The following WDR70 variants were observed in gnomAD, a reference collection of about 807,000 sequenced individuals.
The protein encoded by WDR70 is WD repeat-containing protein 70.
WDR70 carries 53 observed loss-of-function variants against 88.6 expected under a neutral mutation model. That is an observed-to-expected ratio of 0.60 (90% CI 0.48 to 0.75). The LOEUF (loss-of-function observed/expected upper bound fraction) is 0.75. Among genes scored for constraint, WDR70 ranks in the 30% least tolerant of loss-of-function variants. The pLI is 0.00. For missense variants in WDR70, 610 were observed against 823.2 expected (o/e 0.74, Z 3.17); for synonymous variants, 280 against 270.0 (o/e 1.04, Z -0.36).
chr5:37,480,782 A>C (rs1739640467), intron 8 of WDR70, among the ~76,000 whole-genome samples: 1 of 152,148 alleles, frequency 6.6e-6, no homozygotes, highest in Non-Finnish European at 1.5e-5. Context: ...GCCTTCCCCA[A>C]AGTCCCCCAA....
At chr5:37,671,345 C>A (rs1422940215) in intron 10 of WDR70, among the ~76,000 whole-genome samples, 1 of 152,052 alleles carries the variant, frequency 6.6e-6, no homozygotes, top group Non-Finnish European at 1.5e-5. Context: ...CTTAATAAAC[C>A]TGTAGTATTG....
chr5:37,663,303 C>A (rs560023680), intron 10 of WDR70, among the ~76,000 whole-genome samples: 1 of 152,130 alleles, frequency 6.6e-6, no homozygotes, highest in Non-Finnish European at 1.5e-5. Flanking sequence ...ACATAGTACT[C>A]GGAGAAAAGG....
chr5:37,523,474 A>G (rs562583027), intron 9 of WDR70, among the ~76,000 whole-genome samples: 1 of 152,286 alleles, frequency 6.6e-6, no homozygotes, highest in South Asian at 2.1e-4. Context: ...CCAAAACCCC[A>G]TCTGTATGTC....
At chr5:37,556,174 G>A (rs571484704) in intron 9 of WDR70, among the ~76,000 whole-genome samples, 23 of 142,330 alleles carry the variant, frequency 1.6e-4, no homozygotes, top group South Asian at 1.5e-3. Flanking sequence ...TATGATTATC[G>A]TCTGTGTTTA....
chr5:37,696,201 C>T (rs768447660), intron 10 of WDR70, among the ~76,000 whole-genome samples: 5 of 152,128 alleles, frequency 3.3e-5, no homozygotes, highest in Non-Finnish European at 5.9e-5. Flanking sequence ...AATAAAAAAA[C>T]CGTTGAATCA....
At chr5:37,708,818 C>T (rs1461842890) in intron 13 of WDR70, among the ~76,000 whole-genome samples, 1 of 152,138 alleles carries the variant, frequency 6.6e-6, no homozygotes, top group African/African-American at 2.4e-5. Context: ...TTTGTTCTTA[C>T]ATTTGAATGT....
chr5:37,619,460 G>A (rs1744444699), intron 10 of WDR70, among the ~76,000 whole-genome samples: 1 of 152,102 alleles, frequency 6.6e-6, no homozygotes, highest in South Asian at 2.1e-4. Context: ...CTCAGCATCA[G>A]GACAGCTATG....
intron 7 of WDR70, among the ~76,000 whole-genome samples, chr5:37,468,140 C>T (rs1195105465): frequency 1.3e-5 from 2 of 152,184 alleles, no homozygotes; most frequent in African/African-American, 2.4e-5. Context: ...TGAGCCACTG[C>T]GCCCGGCCTA....
chr5:37,572,586 C>T (rs1452204517), intron 9 of WDR70, among the ~76,000 whole-genome samples: 1 of 152,112 alleles, frequency 6.6e-6, no homozygotes, highest in African/African-American at 2.4e-5. Context: ...GTCATCCACC[C>T]CTTCCCACCC....
At chr5:37,706,140 A>G (rs1031219061) in intron 13 of WDR70, among the ~76,000 whole-genome samples, 1 of 152,212 alleles carries the variant, frequency 6.6e-6, no homozygotes, top group Non-Finnish European at 1.5e-5. Context: ...AAAGTTTTTT[A>G]AAAACCCAAA....
intron 7 of WDR70, among the ~76,000 whole-genome samples, chr5:37,478,719 G>C (rs1407778015): frequency 6.6e-6 from 1 of 152,214 alleles, no homozygotes. Context: ...GTCATTGAAT[G>C]TGGGCTGTTT....
intron 9 of WDR70, among the ~76,000 whole-genome samples, chr5:37,534,747 G>A (rs1183811345): frequency 6.6e-6 from 1 of 152,084 alleles, no homozygotes; most frequent in Non-Finnish European, 1.5e-5. Context: ...CCAAAGTTCT[G>A]GGATTACAGG....
At chr5:37,453,291 C>G (rs1467580549) in intron 7 of WDR70, among the ~76,000 whole-genome samples, 3 of 152,076 alleles carry the variant, frequency 2.0e-5, no homozygotes, top group Non-Finnish European at 2.9e-5. Flanking sequence ...CTGAGAGCCC[C>G]GAACAGAGAT....
intron 9 of WDR70, among the ~76,000 whole-genome samples, chr5:37,589,583 T>C (rs1458516854): frequency 6.6e-6 from 1 of 152,074 alleles, no homozygotes. Flanking sequence ...TATTTATTTT[T>C]ATTTTTTATT....
chr5:37,582,037 G>A (rs751620970), intron 9 of WDR70, among the ~76,000 whole-genome samples: 2 of 152,038 alleles, frequency 1.3e-5, no homozygotes, highest in Non-Finnish European at 2.9e-5. Flanking sequence ...AGTAGTACCT[G>A]TCTTACTAGG....
At chr5:37,740,813 T>G (rs1748451176) in intron 17 of WDR70, among the ~76,000 whole-genome samples, 1 of 152,188 alleles carries the variant, frequency 6.6e-6, no homozygotes, top group African/African-American at 2.4e-5. Flanking sequence ...AAAATACAAA[T>G]TCTTACTCCA....
chr5:37,707,921 GAAAAAAAAAAAAAAAA>G (rs1187436953), intron 13 of WDR70, among the ~76,000 whole-genome samples: 1 of 15,134 alleles, frequency 6.6e-5, no homozygotes, highest in Non-Finnish European at 1.3e-4. Context: ...CTCAAAAAAA[GAAAAAAAAAAAAAAAA>G]AAAAAAAAAA....
rs771436366 is a variant in WDR70, at chr5:37,702,985, A to T, written c.1314A>T (p.Ile438=). Residue 438 remains isoleucine (I), a synonymous_variant, in exon 13 of 18, where the codon ATA becomes ATT. Coordinates refer to ENST00000265107, the MANE Select transcript of WDR70 (RefSeq NM_018034.4). ...GTTTCAGTCCAGATGATAAGCTCATAGTCACTGGTACATCTATTCAAAGAG... is the reference window on the plus strand; with the variant it reads ...GTTTCAGTCCAGATGATAAGCTCATTGTCACTGGTACATCTATTCAAAGAG... The part of the protein sequence containing the change: ...DCCFSPDDKL[I]VTGTSIQRGC... The T allele has an allele frequency of 3.7e-6, 6 of 1,613,604 alleles. No homozygotes were observed. In the East Asian group the frequency reaches 1.3e-4, roughly 36 times the overall value.
At chr5:37,441,743 A>T (rs1750660221) in intron 6 of WDR70, among the ~76,000 whole-genome samples, 1 of 151,146 alleles carries the variant, frequency 6.6e-6, no homozygotes, top group East Asian at 1.9e-4. Context: ...GCTTGATCCC[A>T]GCAGGCAGAA....
Sources: allele counts gnomAD v4.1 joint callset (sites outside exome capture counted in the v4.1 genomes callset), GRCh38; gene constraint gnomAD v4.1.1; transcripts MANE v1.5; gene names NCBI Gene and HGNC (gene_info 2026-07-23, HGNC 2026-07-21).